NOL4: variants seen among roughly 807,000 people sequenced by gnomAD.
NOL4 encodes nucleolar protein 4.
A neutral mutation model predicts 75.9 loss-of-function variants in NOL4; 17 were observed. The ratio of observed to expected loss-of-function variants is 0.22; its 90% CI spans 0.15 to 0.34. NOL4 has a LOEUF of 0.34. Ranked by LOEUF, NOL4 falls within the 10% of genes least tolerant of loss-of-function variation. The probability of loss-of-function intolerance (pLI) is 1.00; values close to 1 mark genes in which losing one functional copy is unlikely to be tolerated. For synonymous variants in NOL4, 292 were observed against 289.9 expected, an observed-to-expected ratio of 1.01 and a Z score of -0.07; for missense variants, 614 against 793.5, an observed-to-expected ratio of 0.77 and a Z score of 2.72.
intron 5 of NOL4, among the ~76,000 whole-genome samples, chr18:34,063,395 C>T (rs912797670): frequency 2.6e-5 from 4 of 152,078 alleles, no homozygotes; most frequent in African/African-American, 7.2e-5. Flanking sequence ...TTAATATCCA[C>T]TAATTATCTT....
rs557001151 is a variant in NOL4 at position 33,970,798 on chromosome 18, G to A, written c.1057-12380C>T. ...GGCAACTTTGTATGTTATTTCTCTCGGAGTTTCCAGGCCTCATCTGGACAA... is the reference window on the plus strand; with the variant it reads ...GGCAACTTTGTATGTTATTTCTCTCAGAGTTTCCAGGCCTCATCTGGACAA... On this transcript the variant is annotated intron_variant, in intron 6 of 10. Transcript: ENST00000261592. Among the ~76,000 whole-genome samples, 7 of 151,296 alleles carry A rather than the reference G, an allele frequency of 4.6e-5. No individual in the cohort carries two copies. The East Asian group carries it at 7.8e-4, about 17-fold the overall frequency.
intron 1 of NOL4, among the ~76,000 whole-genome samples, chr18:34,162,066 C>T (rs2031571179): frequency 6.6e-6 from 1 of 152,086 alleles, no homozygotes; most frequent in Non-Finnish European, 1.5e-5. Flanking sequence ...CCCTCAAGTG[C>T]CAAATTTGCT....
rs143808166 is a variant in NOL4 at position 33,931,540 on chromosome 18, G to C, written c.1542+11525C>G. 2.1e-3 allele frequency among the ~76,000 whole-genome samples: 317 copies of C among 152,058 alleles called. 8 individuals are homozygous for C. In the East Asian group the frequency reaches 0.056, roughly 27 times the overall value. On this transcript the variant is annotated intron_variant, in intron 9 of 10. Transcript: ENST00000261592. ...GAGCCCAGGAGTTTGAGACCAACCT[G>C]GGCAACACAGCAAGATCCTGTCTCT...
intron 6 of NOL4, among the ~76,000 whole-genome samples, chr18:33,976,401 C>A (rs1159609499): frequency 1.3e-5 from 2 of 152,106 alleles, no homozygotes; most frequent in East Asian, 1.9e-4. Flanking sequence ...ATATTTTAAC[C>A]AATTTAAGTT....
chr18:33,927,862 G>A (rs2067438105), intron 9 of NOL4, among the ~76,000 whole-genome samples: 2 of 151,614 alleles, frequency 1.3e-5, no homozygotes, highest in South Asian at 4.2e-4. Flanking sequence ...TCACCATATG[G>A]ACCACACGAG....
intron 1 of NOL4, 137 bp downstream of exon 1, chr18:34,222,853 G>C (rs1206429113): frequency 2.6e-6 from 3 of 1,143,262 alleles, no homozygotes; most frequent in East Asian, 2.5e-5. Context: ...GGACGACTTG[G>C]GGAGGGGGTT....
At chr18:33,884,133 C>T (rs535224803) in intron 9 of NOL4, among the ~76,000 whole-genome samples, 1 of 152,048 alleles carries the variant, frequency 6.6e-6, no homozygotes, top group Non-Finnish European at 1.5e-5. Flanking sequence ...ACTTGCTAGG[C>T]TTTAAAAATT....
At chr18:34,077,325 T>C (rs780561640) in intron 5 of NOL4, among the ~76,000 whole-genome samples, 1 of 151,694 alleles carries the variant, frequency 6.6e-6, no homozygotes, top group African/African-American at 2.4e-5. Context: ...AACAAAACAA[T>C]ACAAAACAAA....
chr18:34,101,309 GA>G (rs1244992031), intron 4 of NOL4, among the ~76,000 whole-genome samples: 2 of 152,138 alleles, frequency 1.3e-5, no homozygotes, highest in African/African-American at 4.8e-5. Context: ...GGGCCATGTA[GA>G]AATTCACATA....
chr18:33,863,411 A>C (rs977579616), intron 10 of NOL4, among the ~76,000 whole-genome samples: 1 of 152,180 alleles, frequency 6.6e-6, no homozygotes, highest in Non-Finnish European at 1.5e-5. Context: ...CCCTAAACTT[A>C]AAGTATAATA....
chr18:34,143,541 T>C (rs1034187505), intron 1 of NOL4, among the ~76,000 whole-genome samples: 1 of 152,108 alleles, frequency 6.6e-6, no homozygotes, highest in Non-Finnish European at 1.5e-5. Flanking sequence ...TGTTAAATTA[T>C]TTCTCACTCT....
intron 1 of NOL4, among the ~76,000 whole-genome samples, chr18:34,201,225 C>A (rs1356699832): frequency 6.6e-6 from 1 of 151,718 alleles, no homozygotes; most frequent in Non-Finnish European, 1.5e-5. Flanking sequence ...ATAGCATTTA[C>A]TATATACTGG....
At chr18:34,170,079 T>C (rs2032865580) in intron 1 of NOL4, among the ~76,000 whole-genome samples, 1 of 152,164 alleles carries the variant, frequency 6.6e-6, no homozygotes, top group South Asian at 2.1e-4. Context: ...AGGATAAAGG[T>C]AGAAACTTGC....
intron 1 of NOL4, chr18:34,222,085 A>G: frequency 6.5e-7 from 1 of 1,534,958 alleles, no homozygotes; most frequent in Middle Eastern, 1.7e-4. Flanking sequence ...CACAGTTCCC[A>G]TCTTCTTGTG....
At chr18:34,106,153 C>T (rs548813370) in intron 2 of NOL4, among the ~76,000 whole-genome samples, 1 of 151,862 alleles carries the variant, frequency 6.6e-6, no homozygotes, top group Non-Finnish European at 1.5e-5. Context: ...CATCTATAGC[C>T]CTTACAAACA....
intron 10 of NOL4, among the ~76,000 whole-genome samples, chr18:33,875,809 G>T (rs1240227413): frequency 6.6e-6 from 1 of 151,956 alleles, no homozygotes; most frequent in Non-Finnish European, 1.5e-5. Flanking sequence ...ACCTTACTTA[G>T]AGGGATATAA....
chr18:34,199,281 C>T (rs1353543459), intron 1 of NOL4, among the ~76,000 whole-genome samples: 1 of 151,470 alleles, frequency 6.6e-6, no homozygotes, highest in Non-Finnish European at 1.5e-5. Context: ...ACCAGGGCCA[C>T]ATCTGCTGGC....
chr18:34,143,654 G>A (rs929949929), intron 1 of NOL4, among the ~76,000 whole-genome samples: 1 of 152,074 alleles, frequency 6.6e-6, no homozygotes, highest in South Asian at 2.1e-4. Flanking sequence ...ATCACTTGAG[G>A]TCAGCAGTTC....
intron 1 of NOL4, among the ~76,000 whole-genome samples, chr18:34,130,915 G>A (rs2080613078): frequency 6.6e-6 from 1 of 152,036 alleles, no homozygotes; most frequent in East Asian, 1.9e-4. Flanking sequence ...CCATTTTGCT[G>A]GGAAGTACAG....
Sources: gnomAD v4.1 joint callset for allele counts (sites outside exome capture counted in the v4.1 genomes callset) on GRCh38, gnomAD v4.1.1 for gene constraint, MANE v1.5 for transcripts, NCBI Gene and HGNC (gene_info 2026-07-23, HGNC 2026-07-21) for gene names.